The following DERA variants were observed in gnomAD, a reference collection of about 807,000 sequenced individuals.
DERA encodes the protein 2-deoxy-D-ribose 5-phosphate aldolase.
A neutral mutation model predicts 41.1 loss-of-function variants in DERA; 15 were observed. That is an observed-to-expected ratio of 0.37 (90% confidence interval 0.24 to 0.56). DERA has a LOEUF of 0.56. Ranked by LOEUF, DERA falls within the 20% of genes least tolerant of loss-of-function variation. The probability of loss-of-function intolerance (pLI) is 0.81; values close to 1 mark genes in which losing one functional copy is unlikely to be tolerated. For missense variants in DERA, 396 were observed against 403.4 expected (o/e 0.98, Z 0.16); for synonymous variants, 139 against 137.4 (o/e 1.01, Z -0.08).
Position 16,019,282 on chromosome 12 carries a change from A to T in DERA, c.638-13260A>T, listed in dbSNP as rs1592053300. ...TAAAGCTAGGTCTTATTCCTCACTT[A>T]AAAAATAGCCAGTGTCTGCATGCCT... On this transcript the variant is annotated intron_variant, in intron 6 of 8. Coordinates refer to ENST00000428559, the MANE Select transcript of DERA (RefSeq NM_015954.4). This position sits in a 1 kb window ranked among gnomAD's most constrained non-coding sequence, Gnocchi z 4.4. 6.6e-6 allele frequency among the ~76,000 whole-genome samples: 1 copy of T among 152,206 alleles called. No homozygotes were observed. Among genetic ancestry groups the T allele is most frequent in the Non-Finnish European group, 1.5e-5 (1 of 68,036 alleles).
At chr12:15,956,588 A>G (rs1030287122) in intron 1 of DERA, 1 of 372,236 alleles carries the variant, frequency 2.7e-6, no homozygotes, top group Admixed American at 3.6e-5. Flanking sequence ...CTTTGCTCTC[A>G]GAGGTGAGGT....
chr12:15,963,985 C>T (rs891493465), intron 5 of DERA, among the ~76,000 whole-genome samples: 1 of 152,068 alleles, frequency 6.6e-6, no homozygotes, highest in South Asian at 2.1e-4. Flanking sequence ...GGTTTAAACC[C>T]TCAGTATTTA....
At position 15,922,353 on chromosome 12, in the gene DERA, A is replaced by G. The variant is rs957346049; in HGVS notation, c.31+10939A>G. On this transcript the variant is annotated intron_variant, in intron 1 of 8. Transcript: ENST00000428559. The surrounding 1 kb of genome is among the most constrained non-coding windows in gnomAD (Gnocchi z 4.9). ...CTGTGGGAAATCTCTTGAGCTAGGC[A>G]AAGATCTCATATGGATTTTTATTAG... Among the ~76,000 whole-genome samples, 1 of 152,204 alleles carries G rather than the reference A, an allele frequency of 6.6e-6. No individual in the cohort carries two copies. Among genetic ancestry groups the G allele is most frequent in the Non-Finnish European group, 1.5e-5 (1 of 68,042 alleles).
intron 1 of DERA, among the ~76,000 whole-genome samples, chr12:15,942,715 G>A (rs1358595073): frequency 6.6e-6 from 1 of 152,166 alleles, no homozygotes; most frequent in African/African-American, 2.4e-5. Flanking sequence ...AGAGAGTCAA[G>A]TTTTGGTTTT....
Position 15,989,241 on chromosome 12 carries a change from G to A in DERA, c.637+6805G>A, listed in dbSNP as rs1399816112. On this transcript the variant is annotated intron_variant, in intron 6 of 8. Coordinates refer to ENST00000428559, the MANE Select transcript of DERA (RefSeq NM_015954.4). The surrounding 1 kb of genome is among the most constrained non-coding windows in gnomAD (Gnocchi z 5.2). ...CCACGGAGTGTGCAGCCCTAGCCACGCCTCCCCCGCTGCAACTGGCATCCC... is the reference window on the plus strand; with the variant it reads ...CCACGGAGTGTGCAGCCCTAGCCACACCTCCCCCGCTGCAACTGGCATCCC... 2.0e-5 allele frequency among the ~76,000 whole-genome samples: 3 copies of A among 152,170 alleles called. No homozygotes were observed. Among genetic ancestry groups the A allele is most frequent in the African/African-American group, 7.2e-5 (3 of 41,434 alleles).
chr12:15,974,231 G>A (rs1290200909), intron 5 of DERA, among the ~76,000 whole-genome samples: 1 of 152,060 alleles, frequency 6.6e-6, no homozygotes, highest in African/African-American at 2.4e-5. Flanking sequence ...ATCAAAATCA[G>A]GAAATTAACA....
chr12:15,956,782 G>A, intron 1 of DERA, 154 bp from the exon 2 acceptor site: 1 of 728,832 alleles, frequency 1.4e-6, no homozygotes, highest in Non-Finnish European at 2.5e-6. Context: ...CATCAATAAG[G>A]TTGTTTATTT....
At chr12:15,977,608 C>T (rs1330500961) in intron 5 of DERA, among the ~76,000 whole-genome samples, 2 of 152,198 alleles carry the variant, frequency 1.3e-5, no homozygotes, top group Non-Finnish European at 2.9e-5. Flanking sequence ...GCATTTGCCA[C>T]CATGCCTGGT....
chr12:15,937,360 A>G (rs1210048704), intron 1 of DERA, among the ~76,000 whole-genome samples: 2 of 152,212 alleles, frequency 1.3e-5, no homozygotes, highest in African/African-American at 4.8e-5. Flanking sequence ...TTTACATATC[A>G]TATCATGAGG....
In DERA at chr12:15,982,421, A is replaced by G. The variant is rs377651859; in HGVS notation, c.622A>G (p.Ile208Val). 9 of 1,607,922 alleles carry G rather than the reference A, an allele frequency of 5.6e-6. No individual in the cohort carries two copies. The highest frequency in any genetic ancestry group is 1.1e-5 in the South Asian group (1 of 89,184). ...TACTAATGTCTATAAAGCCAGTATG[A>G]TAGCAATGATGGCAGGTAAGTGTTT... Reference protein sequence around the residue: ...TLTNVYKASMIAMMAGSDFIK... With the variant: ...TLTNVYKASMVAMMAGSDFIK... The change falls in exon 6 of 9, where the codon ATA becomes GTA. Residue 208 changes from isoleucine to valine, a missense_variant. Ile to Val is a conservative substitution (Grantham distance 29). Coordinates refer to ENST00000428559, the MANE Select transcript of DERA (RefSeq NM_015954.4). This position sits in a 1 kb window ranked among gnomAD's most constrained non-coding sequence, Gnocchi z 4.0.
At position 15,954,718 on chromosome 12, in the gene DERA, C is replaced by G. The variant is rs1202280613; in HGVS notation, c.32-2218C>G. Among the ~76,000 whole-genome samples, 1 of 152,084 alleles carries G rather than the reference C, an allele frequency of 6.6e-6. No individual in the cohort carries two copies. The highest frequency in any genetic ancestry group is 1.5e-5 in the Non-Finnish European group (1 of 68,012). ...AAGAGGCTTGTGTTTGCCTGAGACC[C>G]CTCTCCAACAGTGGTGCCAGTGTTT... On this transcript the variant is annotated intron_variant, in intron 1 of 8. Transcript: ENST00000428559. The surrounding 1 kb of genome is among the most constrained non-coding windows in gnomAD (Gnocchi z 4.0).
chr12:15,955,166 G>A (rs142620996), intron 1 of DERA, among the ~76,000 whole-genome samples: 1 of 152,072 alleles, frequency 6.6e-6, no homozygotes, highest in Non-Finnish European at 1.5e-5. Context: ...CTGGCGTGGT[G>A]GCGCACGCCT....
At chr12:15,914,768 C>G (rs934389950) in intron 1 of DERA, among the ~76,000 whole-genome samples, 1 of 152,034 alleles carries the variant, frequency 6.6e-6, no homozygotes, top group Non-Finnish European at 1.5e-5. Context: ...GAAAAATAAC[C>G]ATGATGGGAT....
At chr12:15,963,549 G>A (rs951579234) in intron 5 of DERA, among the ~76,000 whole-genome samples, 5 of 151,956 alleles carry the variant, frequency 3.3e-5, no homozygotes, top group Admixed American at 3.3e-4. Flanking sequence ...AGATATTAAA[G>A]AATCAAATAG....
chr12:16,030,237 C>G (rs1389073014), intron 6 of DERA, among the ~76,000 whole-genome samples: 1 of 151,872 alleles, frequency 6.6e-6, no homozygotes, highest in African/African-American at 2.4e-5. Context: ...CAGCCAGTAG[C>G]CTTGGTCTTC....
chr12:15,948,176 G>T (rs1197664096), intron 1 of DERA, among the ~76,000 whole-genome samples: 1 of 152,098 alleles, frequency 6.6e-6, no homozygotes, highest in Non-Finnish European at 1.5e-5. Context: ...TGACAGTTAG[G>T]TGTCTTGGAG....
Position 15,940,361 on chromosome 12 carries a change from T to A in DERA, c.32-16575T>A, listed in dbSNP as rs946379815. Among the ~76,000 whole-genome samples the A allele has an allele frequency of 6.6e-6, 1 of 152,156 alleles. No individual in the cohort carries two copies. The highest frequency in any genetic ancestry group is 2.1e-4 in the South Asian group (1 of 4,830). On this transcript the variant is annotated intron_variant, in intron 1 of 8. Transcript: ENST00000428559. This position sits in a 1 kb window ranked among gnomAD's most constrained non-coding sequence, Gnocchi z 5.1. The stretch of plus-strand genomic sequence containing the variant: ...TTTTTTATTTTATTTTATTATTATT[T>A]TTTTATTTGAGATGGAGTCTGGCTC...
At position 16,036,899 on chromosome 12, in the gene DERA, G is replaced by A; in HGVS notation, c.*153G>A. On this transcript the variant is annotated 3_prime_UTR_variant, in exon 9 of 9. Transcript: ENST00000428559. This position sits in a 1 kb window ranked among gnomAD's most constrained non-coding sequence, Gnocchi z 4.9. ...TACCGAACTTAATGGAATGGAAAAA[G>A]CAAACTCATCCACATGTGGTACTCA... The A allele has an allele frequency of 1.6e-6, 1 of 624,692 alleles. No homozygotes were observed. Among genetic ancestry groups the A allele is most frequent in the Non-Finnish European group, 2.8e-6 (1 of 355,280 alleles). 38.7% of individuals were successfully genotyped at this position (624,692 alleles called of 1,614,324 possible).
chr12:15,956,564 A>G, intron 1 of DERA: 1 of 363,868 alleles, frequency 2.7e-6, no homozygotes. Context: ...TGGGCTGGAC[A>G]CTCACCAGTA....
Sources: gnomAD v4.1 joint callset for allele counts (sites outside exome capture counted in the v4.1 genomes callset) on GRCh38, gnomAD v4.1.1 for gene constraint, Gnocchi (gnomAD v3.1) non-coding constraint, MANE v1.5 for transcripts, NCBI Gene and HGNC (gene_info 2026-07-23, HGNC 2026-07-21) for gene names.